The following PRKN variants were observed in gnomAD, a reference collection of about 807,000 sequenced individuals.
The protein encoded by PRKN is E3 ubiquitin-protein ligase parkin.
Under a neutral mutation model 59.5 loss-of-function variants are expected in PRKN, and 56 were observed. The observed-to-expected ratio is 0.94, with a 90% CI of 0.76 to 1.18. The LOEUF (loss-of-function observed/expected upper bound fraction) is 1.18. Ranked by LOEUF, PRKN falls within the 50% of genes most tolerant of loss-of-function variation. PRKN has a pLI of 0.00. For synonymous variants in PRKN, 250 were observed against 222.1 expected, an observed-to-expected ratio of 1.13 and a Z score of -1.12; for missense variants, 657 against 596.4, an observed-to-expected ratio of 1.10 and a Z score of -1.06.
chr6:161,727,883 A>G (rs1351013688), intron 7 of PRKN, among the ~76,000 whole-genome samples: 1 of 152,214 alleles, frequency 6.6e-6, no homozygotes, highest in East Asian at 1.9e-4. Context: ...TCTGAATAAC[A>G]AGATTAATTT....
chr6:161,819,889 C>T (rs914249399), intron 6 of PRKN, among the ~76,000 whole-genome samples: 1 of 152,034 alleles, frequency 6.6e-6, no homozygotes, highest in Non-Finnish European at 1.5e-5. Context: ...TATCAAAACT[C>T]GTAAGAGATA....
chr6:161,709,556 A>T (rs1786654655), intron 7 of PRKN, among the ~76,000 whole-genome samples: 1 of 152,214 alleles, frequency 6.6e-6, no homozygotes, highest in South Asian at 2.1e-4. Flanking sequence ...TAAGCATACA[A>T]ATACTACATT....
At chr6:162,331,832 T>C (rs1783591521) in intron 2 of PRKN, among the ~76,000 whole-genome samples, 1 of 152,198 alleles carries the variant, frequency 6.6e-6, no homozygotes, top group African/African-American at 2.4e-5. Flanking sequence ...GTGGGGTTAT[T>C]GTCTCTGACA....
intron 5 of PRKN, 101 bp from the exon 6 acceptor site, chr6:161,973,518 T>A (rs1037533643): frequency 8.2e-6 from 6 of 732,804 alleles, no homozygotes; most frequent in African/African-American, 5.2e-5. Context: ...AGAGAAGAAA[T>A]CTGTTACGAG....
chr6:162,315,280 C>G (rs1032171913), intron 2 of PRKN, among the ~76,000 whole-genome samples: 14 of 152,088 alleles, frequency 9.2e-5, no homozygotes, highest in Non-Finnish European at 1.6e-4. Flanking sequence ...ATATAAGCAA[C>G]TAGTTATTGA....
At chr6:162,535,922 A>G (rs993166895) in intron 1 of PRKN, among the ~76,000 whole-genome samples, 38 of 151,816 alleles carry the variant, frequency 2.5e-4, no homozygotes, top group African/African-American at 8.5e-4. Context: ...AAAAAAAAAA[A>G]GAATTTGGTC....
chr6:162,516,478 G>A (rs546898333), intron 1 of PRKN, among the ~76,000 whole-genome samples: 2 of 152,328 alleles, frequency 1.3e-5, no homozygotes, highest in Admixed American at 6.5e-5. Flanking sequence ...CTGGCCAGGT[G>A]TGGTGGCTCA....
Position 161,414,784 on chromosome 6 carries a change from C to T in PRKN, c.1084-27907G>A, listed in dbSNP as rs1787761625. Among the ~76,000 whole-genome samples the T allele has an allele frequency of 6.6e-6, 1 of 152,192 alleles. No homozygotes were observed. The highest frequency in any genetic ancestry group is 2.4e-5 in the African/African-American group (1 of 41,438). ...CAGAGGAGGGTCTCCGCAGGCAGGG[C>T]AGCCGCTGAACAGCACCGGGAGGGT... On this transcript the variant is annotated intron_variant, in intron 9 of 11. Coordinates refer to ENST00000366898, the MANE Select transcript of PRKN (RefSeq NM_004562.3). This position sits in a 1 kb window ranked among gnomAD's most constrained non-coding sequence, Gnocchi z 5.3.
At chr6:162,318,074 T>G (rs987600451) in intron 2 of PRKN, among the ~76,000 whole-genome samples, 1 of 151,990 alleles carries the variant, frequency 6.6e-6, no homozygotes, top group African/African-American at 2.4e-5. Flanking sequence ...CACTTCCTGA[T>G]TCCTACCCCT....
At position 161,582,487 on chromosome 6, in the gene PRKN, C is replaced by A. The variant is rs999042421; in HGVS notation, c.872-13071G>T. Among the ~76,000 whole-genome samples, 9 of 151,568 alleles carry A rather than the reference C, an allele frequency of 5.9e-5. No individual in the cohort carries two copies. The highest frequency in any genetic ancestry group is 1.0e-4 in the Non-Finnish European group (7 of 67,950). On this transcript the variant is annotated intron_variant, in intron 7 of 11. Transcript: ENST00000366898. The surrounding 1 kb of genome is among the most constrained non-coding windows in gnomAD (Gnocchi z 4.4). ...TGTCGCCTAGGCTGGAGTGCAGTGG[C>A]GCGATCTAGGCTCACTGCAAGCTCC...
At chr6:162,533,553 A>G (rs1778596359) in intron 1 of PRKN, among the ~76,000 whole-genome samples, 1 of 152,100 alleles carries the variant, frequency 6.6e-6, no homozygotes, top group Admixed American at 6.6e-5. Context: ...ATCCATCTTC[A>G]ATAGAGGCAA....
rs187209502 is a variant in PRKN at position 161,359,174 on chromosome 6, G to T, written c.1285+914C>A. Among the ~76,000 whole-genome samples the T allele has an allele frequency of 6.6e-6, 1 of 152,186 alleles. No individual in the cohort carries two copies. Among genetic ancestry groups the T allele is most frequent in the African/African-American group, 2.4e-5 (1 of 41,446 alleles). On this transcript the variant is annotated intron_variant, in intron 11 of 11. Coordinates refer to ENST00000366898, the MANE Select transcript of PRKN (RefSeq NM_004562.3). This position sits in a 1 kb window ranked among gnomAD's most constrained non-coding sequence, Gnocchi z 5.4. ...GCATGCAATGGAGTAATAAGGACAC[G>T]CTGGGTAAATTATTTATTTTCTCTG...
intron 1 of PRKN, among the ~76,000 whole-genome samples, chr6:162,674,911 G>A (rs1430047880): frequency 6.6e-6 from 1 of 152,144 alleles, no homozygotes; most frequent in African/African-American, 2.4e-5. Context: ...TAGCACACAG[G>A]AAAGTCAAAA....
intron 3 of PRKN, among the ~76,000 whole-genome samples, chr6:162,237,477 A>G (rs146232953): frequency 1.3e-5 from 2 of 152,310 alleles, no homozygotes; most frequent in East Asian, 3.9e-4. Context: ...AATGTTTGCA[A>G]TGCCTCAGTG....
intron 4 of PRKN, among the ~76,000 whole-genome samples, chr6:162,097,319 T>C (rs915307222): frequency 2.6e-5 from 4 of 152,230 alleles, no homozygotes; most frequent in African/African-American, 9.6e-5. Flanking sequence ...ACACATATTA[T>C]GTGTCTTGTG....
chr6:162,107,146 A>G (rs1275533654), intron 4 of PRKN, among the ~76,000 whole-genome samples: 1 of 152,166 alleles, frequency 6.6e-6, no homozygotes, highest in African/African-American at 2.4e-5. Context: ...CTCTTGAGTG[A>G]GTACCAAGAT....
chr6:162,030,591 C>T (rs2128278932), intron 5 of PRKN, among the ~76,000 whole-genome samples: 1 of 152,276 alleles, frequency 6.6e-6, no homozygotes, highest in South Asian at 2.1e-4. Flanking sequence ...AAAACCCTTC[C>T]CTGCACACTC....
intron 2 of PRKN, among the ~76,000 whole-genome samples, chr6:162,365,757 G>C (rs747764146): frequency 6.6e-6 from 1 of 151,662 alleles, no homozygotes; most frequent in Non-Finnish European, 1.5e-5. Context: ...ATACCTTCTC[G>C]GTTTATTTTC....
chr6:162,388,975 A>C (rs1386689690), intron 2 of PRKN, among the ~76,000 whole-genome samples: 2 of 142,818 alleles, frequency 1.4e-5, no homozygotes, highest in African/African-American at 5.2e-5. Context: ...CAACACCCAA[A>C]GCTTCATTTT....
Sources: gnomAD v4.1 joint callset for allele counts (sites outside exome capture counted in the v4.1 genomes callset) on GRCh38, gnomAD v4.1.1 for gene constraint, Gnocchi (gnomAD v3.1) non-coding constraint, MANE v1.5 for transcripts, NCBI Gene and HGNC (gene_info 2026-07-23, HGNC 2026-07-21) for gene names.